Variants in CDH13 observed in about 807,000 individuals in gnomAD.
CDH13 encodes cadherin 13.
Under a neutral mutation model 63.8 loss-of-function variants are expected in CDH13, and 24 were observed. The ratio of observed to expected loss-of-function variants is 0.38; its 90% CI spans 0.27 to 0.53. The LOEUF is 0.53. CDH13 is among the 20% of genes least tolerant of loss of function. The probability of loss-of-function intolerance (pLI) is 0.85; values close to 1 mark genes in which losing one functional copy is unlikely to be tolerated. For missense variants in CDH13, 1,049 were observed against 903.1 expected, an observed-to-expected ratio of 1.16 and a Z score of -2.07; for synonymous variants, 503 against 355.3, an observed-to-expected ratio of 1.42 and a Z score of -4.67.
chr16:83,365,366 G>C (rs920831623), intron 6 of CDH13, among the ~76,000 whole-genome samples: 2 of 152,130 alleles, frequency 1.3e-5, no homozygotes, highest in African/African-American at 4.8e-5. Flanking sequence ...CATTAGGAAG[G>C]GTCATTTCCT....
intron 1 of CDH13, among the ~76,000 whole-genome samples, chr16:82,743,927 ATTTGT>A (rs893774362): frequency 6.6e-6 from 1 of 152,206 alleles, no homozygotes; most frequent in Non-Finnish European, 1.5e-5. Flanking sequence ...TGATTAATTG[ATTTGT>A]TCATCTGGCA....
chr16:82,720,516 G>A lies in CDH13; in HGVS notation c.45+93379G>A, dbSNP rs142094133. 5.2e-3 allele frequency among the ~76,000 whole-genome samples: 797 copies of A among 152,086 alleles called. 6 individuals are homozygous for A. Among genetic ancestry groups the A allele is most frequent in the Middle Eastern group, 0.017 (5 of 294 alleles). On this transcript the variant is annotated intron_variant, in intron 1 of 13. Coordinates refer to ENST00000567109, the MANE Select transcript of CDH13 (RefSeq NM_001257.5). ...CATCGCAGGGCACACTTACACCCACGCTCACACTCACTCATACTGGGGCAA... is the reference window on the plus strand; with the variant it reads ...CATCGCAGGGCACACTTACACCCACACTCACACTCACTCATACTGGGGCAA...
chr16:83,775,435 T>C (rs768164036), intron 11 of CDH13, among the ~76,000 whole-genome samples: 1 of 149,362 alleles, frequency 6.7e-6, no homozygotes, highest in Non-Finnish European at 1.5e-5. Flanking sequence ...CCTAACATTA[T>C]AAAGACAGAA....
At chr16:83,304,442 T>A (rs2089826841) in intron 5 of CDH13, among the ~76,000 whole-genome samples, 1 of 152,064 alleles carries the variant, frequency 6.6e-6, no homozygotes, top group African/African-American at 2.4e-5. Context: ...ATTCTGTTTT[T>A]TTTTCTGGGA....
chr16:82,796,711 T>C (rs1330269062), intron 1 of CDH13, among the ~76,000 whole-genome samples: 1 of 152,252 alleles, frequency 6.6e-6, no homozygotes, highest in Non-Finnish European at 1.5e-5. Context: ...CAAGATGGAT[T>C]CTTGGAGCTT....
intron 11 of CDH13, among the ~76,000 whole-genome samples, chr16:83,750,148 G>A (rs1912960585): frequency 6.6e-6 from 1 of 151,928 alleles, no homozygotes; most frequent in African/African-American, 2.4e-5. Context: ...ATACAAAAAT[G>A]AGCTGGGCAT....
chr16:83,169,135 T>C (rs1024493841), intron 4 of CDH13, among the ~76,000 whole-genome samples: 2 of 151,790 alleles, frequency 1.3e-5, no homozygotes, highest in African/African-American at 2.4e-5. Context: ...CTATGGCATA[T>C]GACAGTCCCT....
intron 7 of CDH13, among the ~76,000 whole-genome samples, chr16:83,559,775 C>G (rs774208629): frequency 1.3e-5 from 2 of 152,116 alleles, no homozygotes; most frequent in African/African-American, 2.4e-5. Flanking sequence ...CTTACTGTCA[C>G]AAAGAACAGG....
At chr16:82,883,736 G>T (rs1032864592) in intron 2 of CDH13, among the ~76,000 whole-genome samples, 1 of 152,196 alleles carries the variant, frequency 6.6e-6, no homozygotes, top group Non-Finnish European at 1.5e-5. Context: ...TCTAATATTT[G>T]CTGTGCTGTC....
chr16:83,731,476 T>G (rs75153825), intron 10 of CDH13, among the ~76,000 whole-genome samples: 7 of 152,250 alleles, frequency 4.6e-5, no homozygotes, highest in African/African-American at 1.4e-4. Flanking sequence ...TTGCAAAGTG[T>G]CTGTTCATGT....
rs536729723 is a variant in CDH13 at position 83,634,252 on chromosome 16, GTCTTGCTACTCCT to G, written c.1101+31660_1101+31672del. ...CTGCATGGTCACAGAAGGGCTACCT[GTCTTGCTACTCCT>G]TATTAGTTGTATTAACCTTCCCCTT... On this transcript the variant is annotated intron_variant, in intron 8 of 13. Transcript: ENST00000567109. 4.1e-3 allele frequency among the ~76,000 whole-genome samples: 621 copies of G among 151,948 alleles called. 3 individuals carry two copies. Among genetic ancestry groups the G allele is most frequent in the Non-Finnish European group, 6.1e-3 (412 of 67,980 alleles).
At chr16:83,331,048 G>T (rs557555967) in intron 5 of CDH13, among the ~76,000 whole-genome samples, 1 of 152,288 alleles carries the variant, frequency 6.6e-6, no homozygotes, top group African/African-American at 2.4e-5. Flanking sequence ...GATGGTTCCT[G>T]TTCTTCCATC....
chr16:83,097,779 A>G (rs747504300), intron 3 of CDH13, among the ~76,000 whole-genome samples: 5 of 152,202 alleles, frequency 3.3e-5, no homozygotes, highest in Non-Finnish European at 7.3e-5. Context: ...TTCCAGTACA[A>G]AAAGGAAATT....
At chr16:83,196,841 G>A (rs1270697581) in intron 4 of CDH13, among the ~76,000 whole-genome samples, 4 of 152,334 alleles carry the variant, frequency 2.6e-5, no homozygotes, top group African/African-American at 9.6e-5. Context: ...ATTGCTGGTA[G>A]AAATGTAGAG....
intron 1 of CDH13, among the ~76,000 whole-genome samples, chr16:82,805,606 T>C (rs1342694497): frequency 2.0e-5 from 3 of 152,118 alleles, no homozygotes; most frequent in African/African-American, 7.2e-5. Context: ...CAAGCAGGAA[T>C]GTCATTCTGT....
Position 82,855,043 on chromosome 16 carries a change from G to A in CDH13, c.46-3319G>A, listed in dbSNP as rs539754433. Among the ~76,000 whole-genome samples the A allele has an allele frequency of 2.0e-5, 3 of 152,102 alleles. No homozygotes were observed. In the South Asian group the frequency reaches 6.2e-4, roughly 32 times the overall value. ...CACTAAGTCACCCATGGCCCAGGAG[G>A]GTACTGTGTACCTTTATGTTACAAA... On this transcript the variant is annotated intron_variant, in intron 1 of 13. Transcript: ENST00000567109.
At chr16:83,344,109 T>C (rs2151362409) in intron 5 of CDH13, among the ~76,000 whole-genome samples, 1 of 152,330 alleles carries the variant, frequency 6.6e-6, no homozygotes, top group Non-Finnish European at 1.5e-5. Flanking sequence ...CAAGAGGAAG[T>C]ATTACTCTTA....
At chr16:83,483,510 A>C (rs1231381367) in intron 6 of CDH13, among the ~76,000 whole-genome samples, 8 of 150,608 alleles carry the variant, frequency 5.3e-5, no homozygotes, top group African/African-American at 2.0e-4. Context: ...TGCATATGTC[A>C]GTTGCAAGCC....
chr16:82,891,930 G>T (rs2041095350), intron 2 of CDH13, among the ~76,000 whole-genome samples: 1 of 152,146 alleles, frequency 6.6e-6, no homozygotes, highest in South Asian at 2.1e-4. Context: ...GGAAATTACA[G>T]CTCTGAGACA....
Sources: allele counts gnomAD v4.1 joint callset (sites outside exome capture counted in the v4.1 genomes callset), GRCh38; gene constraint gnomAD v4.1.1; transcripts MANE v1.5; gene names NCBI Gene and HGNC (gene_info 2026-07-23, HGNC 2026-07-21).